The following STAMBP variants were observed in gnomAD, a reference collection of about 807,000 sequenced individuals.
The protein encoded by STAMBP is STAM-binding protein.
STAMBP carries 31 observed loss-of-function variants against 50.7 expected under a neutral mutation model. The ratio of observed to expected loss-of-function variants is 0.61; its 90% confidence interval spans 0.46 to 0.83. The LOEUF (loss-of-function observed/expected upper bound fraction) is 0.83, where lower values mean the gene tolerates loss of function less well. STAMBP is among the 40% of genes least tolerant of loss of function. The pLI, the probability that STAMBP is intolerant of heterozygous loss-of-function variation, is 0.00. For synonymous variants in STAMBP, 211 were observed against 192.4 expected (o/e 1.10, Z -0.80); for missense variants, 472 against 518.9 (o/e 0.91, Z 0.88).
chr2:73,871,009 A>G (rs933128684), downstream of STAMBP, among the ~76,000 whole-genome samples: 5 of 152,064 alleles, frequency 3.3e-5, no homozygotes, highest in Admixed American at 6.6e-5. Flanking sequence ...GCCTCAAGCA[A>G]TTCTCCCACC....
rs984757455 is a variant in STAMBP at position 73,863,450 on chromosome 2, G to T, written c.*1191G>T. ...TTCTTTATCAGAATTCTAGGTGGGG[G>T]AGGGAGAATCTGTGAATGCATAAAG... On this transcript the variant is annotated 3_prime_UTR_variant, in exon 10 of 10. Coordinates refer to ENST00000394070, the MANE Select transcript of STAMBP (RefSeq NM_213622.4). 1 of 152,138 alleles carries T rather than the reference G, an allele frequency of 6.6e-6. No individual in the cohort carries two copies. Among genetic ancestry groups the T allele is most frequent in the Non-Finnish European group, 1.5e-5 (1 of 68,036 alleles). 9.4% of individuals were successfully genotyped at this position (152,138 alleles called of 1,614,324 possible). A position where few individuals can be genotyped will look rare whatever the true frequency, so the allele number is the denominator to read the frequency against.
chr2:73,873,471 A>C (rs1016255556), exon 11 of STAMBP: 1 of 152,228 alleles, frequency 6.6e-6, no homozygotes, highest in African/African-American at 2.4e-5. Flanking sequence ...TAGGGAATTG[A>C]ACTTCAGACA....
At chr2:73,840,313 G>GTTTTT (rs57827239) in intron 2 of STAMBP, among the ~76,000 whole-genome samples, 1 of 115,640 alleles carries the variant, frequency 8.6e-6, no homozygotes, top group Non-Finnish European at 1.9e-5. Flanking sequence ...TTAGGGGTTT[G>GTTTTT]TTTTTTTTTT....
intron 2 of STAMBP, among the ~76,000 whole-genome samples, chr2:73,839,122 A>T (rs1322588754): frequency 6.6e-6 from 1 of 152,292 alleles, no homozygotes; most frequent in East Asian, 1.9e-4. Flanking sequence ...TTTTGTGGAT[A>T]CTTTCTTTAC....
Position 73,844,868 on chromosome 2 carries a change from G to A in STAMBP, c.259G>A (p.Glu87Lys). Residue 87 changes from glutamate to lysine, a missense_variant, in exon 3 of 10, where the codon GAA becomes AAA. Coordinates refer to ENST00000394070, the MANE Select transcript of STAMBP (RefSeq NM_213622.4). ...AGATTACAAATCTGCTGTCATTCCT[G>A]AAAAGAAAGACACAGTAAAGGTGGG... ...HRDYKSAVIPEKKDTVKKLKE... is the reference protein window; with the variant it reads ...HRDYKSAVIPKKKDTVKKLKE... 6.8e-6 allele frequency: 11 copies of A among 1,613,906 alleles called. No homozygotes were observed. Among genetic ancestry groups the A allele is most frequent in the Non-Finnish European group, 9.3e-6 (11 of 1,179,966 alleles).
chr2:73,853,750 T>C (rs983343296), intron 7 of STAMBP, among the ~76,000 whole-genome samples: 4 of 152,078 alleles, frequency 2.6e-5, no homozygotes, highest in East Asian at 1.9e-4. Context: ...ATGTACACTT[T>C]AACAAATCAT....
intron 10 of STAMBP, among the ~76,000 whole-genome samples, chr2:73,872,507 GA>G (rs1312535428): frequency 2.0e-5 from 3 of 151,932 alleles, no homozygotes; most frequent in South Asian, 2.1e-4. Context: ...AAGTACACAA[GA>G]AGTAGATGTT....
rs1441409002 is a variant in STAMBP, at chr2:73,860,034, G to A, written c.1119-18G>A. The stretch of plus-strand genomic sequence containing the variant: ...GACACCTTTGCTTGACTCTTAGCCT[G>A]CCTTTTTTAAATTTCAGAACTGGAT... On this transcript the variant is annotated intron_variant, in intron 8 of 9. Transcript: ENST00000394070. 5 of 1,589,240 alleles carry A rather than the reference G, an allele frequency of 3.1e-6. No homozygotes were observed. The highest frequency in any genetic ancestry group is 3.1e-5 in the African/African-American group (2 of 64,656).
intron 7 of STAMBP, among the ~76,000 whole-genome samples, chr2:73,856,022 A>ACCT (rs1677504947): frequency 6.6e-6 from 1 of 152,182 alleles, no homozygotes; most frequent in Non-Finnish European, 1.5e-5. Context: ...CTAAGATCAC[A>ACCT]CCTCCTCTAA....
chr2:73,839,469 T>A (rs1302864159), intron 2 of STAMBP, among the ~76,000 whole-genome samples: 2 of 152,168 alleles, frequency 1.3e-5, no homozygotes, highest in Admixed American at 6.6e-5. Flanking sequence ...TCACCTGTGT[T>A]GAAAATGTTT....
intron 9 of STAMBP, among the ~76,000 whole-genome samples, chr2:73,861,417 A>C (rs561729869): frequency 9.6e-4 from 146 of 152,304 alleles, no homozygotes; most frequent in Non-Finnish European, 1.8e-3. Context: ...AATGAGTCCC[A>C]GACTCTTACC....
rs1455692930 is a variant in STAMBP, at chr2:73,840,391, C to CATACATATCTTTATA, written c.204-4422_204-4421insATACATATCTTTATA. 3.6e-5 allele frequency among the ~76,000 whole-genome samples: 5 copies of CATACATATCTTTATA among 139,084 alleles called. No individual in the cohort carries two copies. In the East Asian group the frequency reaches 8.7e-4, roughly 24 times the overall value. 91.2% of individuals were successfully genotyped at this position (139,084 alleles called of 152,430 possible). A position where few individuals can be genotyped will look rare whatever the true frequency, so the allele number is the denominator to read the frequency against. ...ATATTTTTATACATATATCTTTGTA[C>CATACATATCTTTATA]TGTTTTATAATGATCTCTAGGATAA... is the stretch of plus-strand genomic sequence containing the variant. On this transcript the variant is annotated intron_variant, in intron 2 of 9. Transcript: ENST00000394070.
In STAMBP at chr2:73,859,313, C is replaced by T. The variant is rs766903106; in HGVS notation, c.1065C>T (p.Tyr355=). 6.2e-7 allele frequency: 1 copy of T among 1,614,072 alleles called. No homozygotes were observed. The change falls in exon 8 of 10, where the codon TAC becomes TAT. Residue 355 remains tyrosine (Y), a synonymous_variant. Transcript: ENST00000394070. ...SSVDLHTHCS[Y]QMMLPESVAI... is the part of the protein sequence containing the mutation. ...TCGACCTACACACTCACTGCTCTTA[C>T]CAGATGATGTTGCCAGAGTCAGTAG...
intron 7 of STAMBP, among the ~76,000 whole-genome samples, chr2:73,851,032 T>C (rs1676741692): frequency 6.6e-6 from 1 of 152,258 alleles, no homozygotes; most frequent in Admixed American, 6.5e-5. Flanking sequence ...AGGTAAAATA[T>C]AATGCCTTCC....
At position 73,849,576 on chromosome 2, in the gene STAMBP, A is replaced by G. The variant is rs1410616116; in HGVS notation, c.867+89A>G. On this transcript the variant is annotated intron_variant, in intron 6 of 9. Coordinates refer to ENST00000394070, the MANE Select transcript of STAMBP (RefSeq NM_213622.4). Reference sequence around the variant, plus strand: ...CCTGTGACTCTCAGAGAAAATATCCAGGGTCAGTTACTCTTTGTACCAAGG... The same window carrying G: ...CCTGTGACTCTCAGAGAAAATATCCGGGGTCAGTTACTCTTTGTACCAAGG... 5.4e-6 allele frequency: 8 copies of G among 1,483,146 alleles called. No individual in the cohort carries two copies. In the Admixed American group the frequency reaches 1.9e-4, roughly 35 times the overall value. The allele number at this position is 1,483,146 out of a possible 1,614,324, so 91.9% of individuals were successfully genotyped here.
At chr2:73,857,083 T>C (rs1677643052) in intron 7 of STAMBP, among the ~76,000 whole-genome samples, 1 of 152,246 alleles carries the variant, frequency 6.6e-6, no homozygotes, top group Non-Finnish European at 1.5e-5. Flanking sequence ...GCCTTGTCTA[T>C]TCCAGCCTCA....
In STAMBP at chr2:73,850,630, C is replaced by A; in HGVS notation, c.1005+117C>A. The A allele has an allele frequency of 1.7e-6, 2 of 1,176,918 alleles. No individual in the cohort carries two copies. The highest frequency in any genetic ancestry group is 2.3e-6 in the Non-Finnish European group (2 of 866,920). 72.9% of individuals were successfully genotyped at this position (1,176,918 alleles called of 1,614,324 possible). ...TCCAGATTATTTATTGTTTTTCTCT[C>A]TTTTGGATGCAGTCCTTAGCATACT... is the stretch of plus-strand genomic sequence containing the variant. On this transcript the variant is annotated intron_variant, in intron 7 of 9. Coordinates refer to ENST00000394070, the MANE Select transcript of STAMBP (RefSeq NM_213622.4). This position sits in a 1 kb window ranked among gnomAD's most constrained non-coding sequence, Gnocchi z 4.3.
chr2:73,853,850 TTCCTTGCTTCG>T (rs1677193231), intron 7 of STAMBP, among the ~76,000 whole-genome samples: 1 of 152,260 alleles, frequency 6.6e-6, no homozygotes, highest in Admixed American at 6.5e-5. Flanking sequence ...AAGTCCTCCC[TTCCTTGCTTCG>T]TTTATAATTT....
In STAMBP at chr2:73,847,544, G is replaced by A. The variant is rs766533447; in HGVS notation, c.533G>A (p.Arg178Gln). The A allele has an allele frequency of 3.7e-6, 6 of 1,614,164 alleles. No homozygotes were observed. Among genetic ancestry groups the A allele is most frequent in the South Asian group, 3.3e-5 (3 of 91,062 alleles). ...CGGAACCAGGAGCTAGAAAAAGAGC[G>A]ACTGAAAATTGTACAGGAGTTTGGG... ...MIRNQELEKE[R>Q]LKIVQEFGKV... Residue 178 changes from arginine to glutamine, a missense_variant, in exon 5 of 10, where the codon CGA (arginine) becomes CAA (glutamine). Arg to Gln is a conservative substitution (Grantham distance 43, BLOSUM62 1). Transcript: ENST00000394070.
Sources: gnomAD v4.1 joint callset for allele counts (sites outside exome capture counted in the v4.1 genomes callset) on GRCh38, gnomAD v4.1.1 for gene constraint, Gnocchi (gnomAD v3.1) non-coding constraint, MANE v1.5 for transcripts, NCBI Gene and HGNC (gene_info 2026-07-23, HGNC 2026-07-21) for gene names.